Variants in CREBBP observed in about 807,000 individuals in gnomAD.
CREBBP encodes the protein CREB-binding protein.
CREBBP carries 19 observed loss-of-function variants against 265.0 expected under a neutral mutation model. The ratio of observed to expected loss-of-function variants is 0.07; its 90% CI spans 0.05 to 0.11. The LOEUF (loss-of-function observed/expected upper bound fraction) is 0.11, where lower values mean the gene tolerates loss of function less well. Among genes scored for constraint, CREBBP ranks in the 10% least tolerant of loss-of-function variants. CREBBP has a pLI of 1.00. For missense variants in CREBBP, 2,525 were observed against 3,219.0 expected, an observed-to-expected ratio of 0.78 and a Z score of 5.22; for synonymous variants, 1,457 against 1,223.7, an observed-to-expected ratio of 1.19 and a Z score of -3.98.
Position 3,778,834 on chromosome 16 carries a change from T to C in CREBBP, c.1824-17A>G, listed in dbSNP as rs749621590. On this transcript the variant is annotated splice_polypyrimidine_tract_variant and intron_variant, in intron 8 of 30. Coordinates refer to ENST00000262367, the MANE Select transcript of CREBBP (RefSeq NM_004380.3). ...GCTTGGACGCTGAAAGGATAACACA[T>C]CTATCAAACTACTTTTTTTTTTCTT... 2 of 1,602,904 alleles carry C rather than the reference T, an allele frequency of 1.2e-6. No individual in the cohort carries two copies. The highest frequency in any genetic ancestry group is 1.7e-6 in the Non-Finnish European group (2 of 1,170,410).
chr16:3,812,496 A>C (rs2053958193), intron 2 of CREBBP, among the ~76,000 whole-genome samples: 3 of 151,634 alleles, frequency 2.0e-5, no homozygotes, highest in African/African-American at 7.3e-5. Context: ...TTCCATAATA[A>C]AGTTTTTTAT....
At chr16:3,765,799 T>TA (rs1348137582) in intron 16 of CREBBP, among the ~76,000 whole-genome samples, 1 of 152,082 alleles carries the variant, frequency 6.6e-6, no homozygotes, top group Non-Finnish European at 1.5e-5. Context: ...AGGCATGCAC[T>TA]ACCATACCCA....
At chr16:3,855,172 T>C (rs1252721089) in intron 1 of CREBBP, among the ~76,000 whole-genome samples, 1 of 152,250 alleles carries the variant, frequency 6.6e-6, no homozygotes, top group Non-Finnish European at 1.5e-5. Flanking sequence ...TAATTCAGGA[T>C]CATGGTGCAT....
At chr16:3,734,388 T>G (rs557331707) in intron 28 of CREBBP, among the ~76,000 whole-genome samples, 1 of 152,276 alleles carries the variant, frequency 6.6e-6, no homozygotes, top group South Asian at 2.1e-4. Flanking sequence ...TCCCGCCTCC[T>G]AACACATGCA....
At chr16:3,833,530 T>C (rs1055734322) in intron 2 of CREBBP, among the ~76,000 whole-genome samples, 7 of 152,346 alleles carry the variant, frequency 4.6e-5, no homozygotes, top group African/African-American at 1.7e-4. Context: ...GCTATTTTTA[T>C]TCTCAGACAA....
intron 1 of CREBBP, among the ~76,000 whole-genome samples, chr16:3,854,056 T>C (rs750500246): frequency 1.8e-4 from 27 of 152,184 alleles, no homozygotes; most frequent in Non-Finnish European, 2.9e-4. Flanking sequence ...CCAATACCCC[T>C]GGCCCCATGC....
At chr16:3,798,372 T>C (rs2053648299) in intron 3 of CREBBP, among the ~76,000 whole-genome samples, 1 of 152,182 alleles carries the variant, frequency 6.6e-6, no homozygotes, top group East Asian at 1.9e-4. Flanking sequence ...CATTACAAAA[T>C]AATGAACTGT....
Position 3,880,544 on chromosome 16 carries a change from G to C in CREBBP, c.-628C>G, listed in dbSNP as rs989018612. ...GCCGGGCTCCGGGAGGCCGAGCCGA[G>C]AGGCGAGCGGGGCCGCCGGGGCGGG... On this transcript the variant is annotated 5_prime_UTR_variant, in exon 1 of 31. Transcript: ENST00000262367. 1 of 146,000 alleles carries C rather than the reference G, an allele frequency of 6.8e-6. No homozygotes were observed. Among genetic ancestry groups the C allele is most frequent in the Non-Finnish European group, 1.5e-5 (1 of 65,478 alleles). The allele number at this position is 146,000 out of a possible 1,614,324, so 9.0% of individuals were successfully genotyped here.
At chr16:3,738,077 C>T (rs767230707) in intron 26 of CREBBP, among the ~76,000 whole-genome samples, 28 of 151,406 alleles carry the variant, frequency 1.8e-4, no homozygotes, top group Admixed American at 9.9e-4. Flanking sequence ...TGAGCCACCG[C>T]GCCCGGCCTT....
At position 3,731,833 on chromosome 16, in the gene CREBBP, G is replaced by A. The variant is rs1414593325; in HGVS notation, c.4833C>T (p.Pro1611=). ...SRANKKKPSM[P]NVSNDLSQKL... The stretch of plus-strand genomic sequence containing the variant: ...TCTGGGACAGGTCATTGGACACGTT[G>A]GGCATGCTGGGCTTCTTCTTGTTGG... Residue 1611 remains proline (P), a synonymous_variant, in exon 29 of 31, where the codon CCC becomes CCT. Coordinates refer to ENST00000262367, the MANE Select transcript of CREBBP (RefSeq NM_004380.3). The surrounding 1 kb of genome is among the most constrained non-coding windows in gnomAD (Gnocchi z 7.7). 1 of 1,614,238 alleles carries A rather than the reference G, an allele frequency of 6.2e-7. No homozygotes were observed. Among genetic ancestry groups the A allele is most frequent in the South Asian group, 1.1e-5 (1 of 91,088 alleles).
At position 3,770,753 on chromosome 16, in the gene CREBBP, G is replaced by A. The variant is rs747968181; in HGVS notation, c.2697C>T (p.Pro899=). 9 of 1,614,134 alleles carry A rather than the reference G, an allele frequency of 5.6e-6. No individual in the cohort carries two copies. The highest frequency in any genetic ancestry group is 3.3e-4 in the Middle Eastern group (2 of 6,058). ...TGGGCACTGAGCCAGGAGTCGGGGT[G>A]GGAGTCTGCCCGGAAGACGACACAG... ...STPVSSSGQT[P]TPTPGSVPSA... Residue 899 remains proline, a synonymous_variant, in exon 14 of 31, where the codon CCC becomes CCT. Transcript: ENST00000262367.
chr16:3,826,213 G>A (rs1022804610), intron 2 of CREBBP, among the ~76,000 whole-genome samples: 17 of 152,222 alleles, frequency 1.1e-4, no homozygotes, highest in Admixed American at 5.9e-4. Context: ...ACCCAGTCTC[G>A]GCGGGCGGGG....
At chr16:3,733,632 C>A (rs559403693) in intron 28 of CREBBP, among the ~76,000 whole-genome samples, 1 of 152,074 alleles carries the variant, frequency 6.6e-6, no homozygotes, top group Non-Finnish European at 1.5e-5. Flanking sequence ...TTTGTGTCAG[C>A]CTTAAAACAA....
intron 19 of CREBBP, among the ~76,000 whole-genome samples, chr16:3,756,636 G>A (rs539966466): frequency 3.9e-5 from 6 of 152,234 alleles, no homozygotes; most frequent in South Asian, 4.1e-4. Context: ...ATTTTGTATC[G>A]TGCTGCTAGT....
At chr16:3,855,647 G>A (rs1487996368) in intron 1 of CREBBP, among the ~76,000 whole-genome samples, 4 of 152,182 alleles carry the variant, frequency 2.6e-5, no homozygotes, top group African/African-American at 9.7e-5. Flanking sequence ...TGGTTACAGG[G>A]CATGTCATTT....
chr16:3,751,618 A>AG (rs1404805907), intron 20 of CREBBP, 108 bp downstream of exon 20: 2 of 1,118,284 alleles, frequency 1.8e-6, no homozygotes, highest in African/African-American at 3.1e-5. Flanking sequence ...AAACATTGCA[A>AG]GGAAGTCAAA....
intron 2 of CREBBP, among the ~76,000 whole-genome samples, chr16:3,819,094 G>C (rs1343838897): frequency 6.6e-6 from 1 of 152,236 alleles, no homozygotes. Context: ...AGTGCGGCCT[G>C]TGGGCCAAAG....
At position 3,728,042 on chromosome 16, in the gene CREBBP, G is replaced by T. The variant is rs751640745; in HGVS notation, c.7005C>A (p.Ile2335=). 3 of 1,612,326 alleles carry T rather than the reference G, an allele frequency of 1.9e-6. No individual in the cohort carries two copies. Among genetic ancestry groups the T allele is most frequent in the Non-Finnish European group, 2.5e-6 (3 of 1,178,612 alleles). ...PQASHLPGQQ[I]ATSLSNQVRS... is the part of the protein sequence containing the mutation. ...GCACCTGGTTACTAAGGGACGTGGC[G>T]ATCTGCTGGCCAGGGAGATGCGAGG... The change falls in exon 31 of 31, where the codon ATC becomes ATA. Residue 2335 remains isoleucine (I), a synonymous_variant. Coordinates refer to ENST00000262367, the MANE Select transcript of CREBBP (RefSeq NM_004380.3). This position sits in a 1 kb window ranked among gnomAD's most constrained non-coding sequence, Gnocchi z 8.7.
intron 2 of CREBBP, among the ~76,000 whole-genome samples, chr16:3,837,035 A>T (rs1345534492): frequency 6.6e-6 from 1 of 152,200 alleles, no homozygotes; most frequent in South Asian, 2.1e-4. Flanking sequence ...TTATGTATTT[A>T]CTACACTTAT....
Sources: allele counts gnomAD v4.1 joint callset (sites outside exome capture counted in the v4.1 genomes callset), GRCh38; gene constraint gnomAD v4.1.1; non-coding constraint Gnocchi (gnomAD v3.1); transcripts MANE v1.5; gene names NCBI Gene and HGNC (gene_info 2026-07-23, HGNC 2026-07-21).